CACNA1E: variants seen among roughly 807,000 people sequenced by gnomAD.
CACNA1E encodes the protein calcium voltage-gated channel subunit alpha1 E.
CACNA1E carries 40 observed loss-of-function variants against 259.2 expected under a neutral mutation model. The observed-to-expected ratio is 0.15, with a 90% CI of 0.12 to 0.20. CACNA1E has a LOEUF of 0.20. Ranked by LOEUF, CACNA1E falls within the 10% of genes least tolerant of loss-of-function variation. The pLI is 1.00. For synonymous variants in CACNA1E, 1,104 were observed against 1,138.5 expected (o/e 0.97, Z 0.61); for missense variants, 1,874 against 3,040.1 (o/e 0.62, Z 9.02).
At position 181,350,649 on chromosome 1, in the gene CACNA1E, G is replaced by A. The variant is rs572775201; in HGVS notation, c.-15+32526G>A. On this transcript the variant is annotated intron_variant, in intron 1 of 11. Transcript: ENST00000524607. ...ACCCCTGGGGGTCAAAGTAACTCTAGTCAGCACTCCTACAGGAGGCATTTC... is the reference window on the plus strand; with the variant it reads ...ACCCCTGGGGGTCAAAGTAACTCTAATCAGCACTCCTACAGGAGGCATTTC... 2.4e-3 allele frequency among the ~76,000 whole-genome samples: 367 copies of A among 152,222 alleles called. 4 individuals carry two copies. The highest frequency in any genetic ancestry group is 8.4e-3 in the African/African-American group (347 of 41,524).
At chr1:181,771,731 G>T in intron 36 of CACNA1E, 1 of 459,478 alleles carries the variant, frequency 2.2e-6, no homozygotes, top group South Asian at 3.8e-5. Flanking sequence ...GGGTTTGGGA[G>T]GGGGGAATGT....
At chr1:181,759,941 C>G (rs1346890498) in intron 32 of CACNA1E, among the ~76,000 whole-genome samples, 1 of 152,084 alleles carries the variant, frequency 6.6e-6, no homozygotes, top group African/African-American at 2.4e-5. Context: ...TTAAGGGAAC[C>G]AATTGCAGTT....
chr1:181,682,207 C>T (rs1650043313), intron 7 of CACNA1E, among the ~76,000 whole-genome samples: 1 of 152,212 alleles, frequency 6.6e-6, no homozygotes, highest in Non-Finnish European at 1.5e-5. Flanking sequence ...CAAGGTCTGA[C>T]ACTGGGACCC....
At chr1:181,574,055 T>A (rs1286580187) in intron 3 of CACNA1E, among the ~76,000 whole-genome samples, 1 of 152,080 alleles carries the variant, frequency 6.6e-6, no homozygotes, top group Non-Finnish European at 1.5e-5. Flanking sequence ...ATGTTCTCAC[T>A]CATAAGTGGG....
chr1:181,480,633 A>C (rs114709641), upstream of CACNA1E, among the ~76,000 whole-genome samples: 38 of 152,338 alleles, frequency 2.5e-4, no homozygotes, highest in African/African-American at 8.9e-4. Flanking sequence ...TGATGTTCCA[A>C]GAACTAAGTC....
intron 25 of CACNA1E, among the ~76,000 whole-genome samples, chr1:181,746,231 T>G (rs977813131): frequency 6.6e-6 from 1 of 152,238 alleles, no homozygotes; most frequent in South Asian, 2.1e-4. Context: ...CATATCCTTA[T>G]CTGCAGATCC....
At chr1:181,778,716 C>G (rs1437416702) in intron 38 of CACNA1E, among the ~76,000 whole-genome samples, 1 of 152,140 alleles carries the variant, frequency 6.6e-6, no homozygotes, top group Non-Finnish European at 1.5e-5. Flanking sequence ...CTGGCTGGCT[C>G]CAGCCAAGCT....
intron 3 of CACNA1E, among the ~76,000 whole-genome samples, chr1:181,537,603 A>C (rs1219191251): frequency 6.6e-6 from 1 of 152,162 alleles, no homozygotes; most frequent in African/African-American, 2.4e-5. Context: ...AGAGAAGTTG[A>C]GGCAATATTT....
chr1:181,371,062 G>A (rs1296848171), intron 1 of CACNA1E, among the ~76,000 whole-genome samples: 4 of 152,086 alleles, frequency 2.6e-5, no homozygotes, highest in African/African-American at 7.2e-5. Context: ...TTGGCTGCAC[G>A]TATGTCTTCT....
intron 7 of CACNA1E, among the ~76,000 whole-genome samples, chr1:181,709,780 A>G (rs894299262): frequency 6.6e-6 from 1 of 152,150 alleles, no homozygotes; most frequent in Non-Finnish European, 1.5e-5. Context: ...GGCATGAGCC[A>G]CTGTGCCTGG....
chr1:181,711,185 C>G lies in CACNA1E; in HGVS notation c.1171+116C>G, dbSNP rs1653323947. On this transcript the variant is annotated intron_variant, in intron 8 of 47. Coordinates refer to ENST00000367573, the MANE Select transcript of CACNA1E (RefSeq NM_001205293.3). ...GCCTAGACAAGACAAGAGAGACACT[C>G]TGGATGCTTGGTTGGCTCTTAAGGT... 1.1e-5 allele frequency: 8 copies of G among 712,740 alleles called. No individual in the cohort carries two copies. The South Asian group carries it at 1.4e-4, about 12-fold the overall frequency. The allele number at this position is 712,740 out of a possible 1,614,324, so 44.2% of individuals were successfully genotyped here.
intron 1 of CACNA1E, among the ~76,000 whole-genome samples, chr1:181,357,863 G>A (rs1448331882): frequency 6.6e-6 from 1 of 152,168 alleles, no homozygotes; most frequent in South Asian, 2.1e-4. Flanking sequence ...CATCATGAAT[G>A]AGGATGGCAA....
At chr1:181,400,426 AGGCTGCAGACTGGCCGT>A (rs2102079121) in intron 1 of CACNA1E, among the ~76,000 whole-genome samples, 1 of 152,038 alleles carries the variant, frequency 6.6e-6, no homozygotes, top group African/African-American at 2.4e-5. Flanking sequence ...CCCTCTGGGG[AGGCTGCAGACTGGCCGT>A]GGCTGCAGGG....
At chr1:181,648,447 G>A (rs1031845506) in intron 6 of CACNA1E, among the ~76,000 whole-genome samples, 10 of 152,130 alleles carry the variant, frequency 6.6e-5, no homozygotes, top group Admixed American at 5.2e-4. Context: ...TATGTTCTTC[G>A]ATGTGTTACT....
At chr1:181,383,059 C>T (rs1305233394) in intron 1 of CACNA1E, among the ~76,000 whole-genome samples, 4 of 152,164 alleles carry the variant, frequency 2.6e-5, no homozygotes, top group East Asian at 1.9e-4. Context: ...CAAATCAGGC[C>T]GTGTTCACAG....
chr1:181,397,092 G>A (rs1024551136), intron 1 of CACNA1E, among the ~76,000 whole-genome samples: 1 of 152,180 alleles, frequency 6.6e-6, no homozygotes, highest in African/African-American at 2.4e-5. Context: ...GCCACCAGAT[G>A]AGGGAATTCT....
chr1:181,438,126 T>C (rs908404159), intron 2 of CACNA1E, among the ~76,000 whole-genome samples: 11 of 152,182 alleles, frequency 7.2e-5, no homozygotes. Context: ...GTGGCCATAC[T>C]CCCTTGGGGT....
At position 181,776,022 on chromosome 1, in the gene CACNA1E, T is replaced by C; in HGVS notation, c.5140-79T>C. 7.3e-7 allele frequency: 1 copy of C among 1,378,270 alleles called. No individual in the cohort carries two copies. The allele number at this position is 1,378,270 out of a possible 1,614,324, so 85.4% of individuals were successfully genotyped here. A position where few individuals can be genotyped will look rare whatever the true frequency, so the allele number is the denominator to read the frequency against. On this transcript the variant is annotated intron_variant, in intron 37 of 47. Coordinates refer to ENST00000367573, the MANE Select transcript of CACNA1E (RefSeq NM_001205293.3). This position sits in a 1 kb window ranked among gnomAD's most constrained non-coding sequence, Gnocchi z 4.4. ...TCGTTTGCTAAAACACCCTCCTCCATGCCCTGAAGCCTGTTCTTCTGCTTC... is the reference window on the plus strand; with the variant it reads ...TCGTTTGCTAAAACACCCTCCTCCACGCCCTGAAGCCTGTTCTTCTGCTTC...
rs1662025397 is a variant in CACNA1E, at chr1:181,798,586, T to C, written c.6694T>C (p.Tyr2232His). The change falls in exon 48 of 48, where the codon TAC (tyrosine) becomes CAC (histidine). Residue 2232 changes from tyrosine (Y) to histidine (H), a missense_variant. Coordinates refer to ENST00000367573, the MANE Select transcript of CACNA1E (RefSeq NM_001205293.3). This position sits in a 1 kb window ranked among gnomAD's most constrained non-coding sequence, Gnocchi z 4.2. ...ASPQRYISEP[Y>H]LALHEDSHAS... is the part of the protein sequence containing the mutation. ...CCCACAGCGCTACATCTCCGAGCCC[T>C]ACTTGGCCCTGCACGAAGACTCCCA... 1 of 1,613,404 alleles carries C rather than the reference T, an allele frequency of 6.2e-7. No individual in the cohort carries two copies. The highest frequency in any genetic ancestry group is 8.5e-7 in the Non-Finnish European group (1 of 1,179,894).
Sources: gnomAD v4.1 joint callset for allele counts (sites outside exome capture counted in the v4.1 genomes callset) on GRCh38, gnomAD v4.1.1 for gene constraint, Gnocchi (gnomAD v3.1) non-coding constraint, MANE v1.5 for transcripts, NCBI Gene and HGNC (gene_info 2026-07-23, HGNC 2026-07-21) for gene names.